ADAMTS2: variants seen among roughly 807,000 people sequenced by gnomAD.
The protein encoded by ADAMTS2 is A disintegrin and metalloproteinase with thrombospondin motifs 2.
ADAMTS2 carries 50 observed loss-of-function variants against 123.0 expected under a neutral mutation model. That is an observed-to-expected ratio of 0.41 (90% CI 0.32 to 0.51). ADAMTS2 has a LOEUF of 0.51. ADAMTS2 is among the 20% of genes least tolerant of loss of function. ADAMTS2 has a pLI of 0.35. For synonymous variants in ADAMTS2, 678 were observed against 695.4 expected (o/e 0.98, Z 0.39); for missense variants, 1,494 against 1,705.2 (o/e 0.88, Z 2.18).
At chr5:179,114,894 C>T (rs562957610) in intron 21 of ADAMTS2, among the ~76,000 whole-genome samples, 140 of 152,294 alleles carry the variant, frequency 9.2e-4, no homozygotes, top group African/African-American at 3.0e-3. Context: ...ATGCCCCGGA[C>T]GATCTTTTAA....
chr5:179,161,615 A>G (rs1044300111), intron 5 of ADAMTS2, among the ~76,000 whole-genome samples: 1 of 152,212 alleles, frequency 6.6e-6, no homozygotes, highest in Non-Finnish European at 1.5e-5. Flanking sequence ...TTAGTGCCCT[A>G]TAGTGCCGGA....
rs778653536 is a variant in ADAMTS2 at position 179,225,521 on chromosome 5, G to A, written c.689-17806C>T. On this transcript the variant is annotated intron_variant, in intron 3 of 21. Transcript: ENST00000251582. This position sits in a 1 kb window ranked among gnomAD's most constrained non-coding sequence, Gnocchi z 4.5. ...CCCCATCCTGTGCCTATAAAAACCC[G>A]AGACCCTAACAGGCAGACACAGGCG... Among the ~76,000 whole-genome samples, 11 of 152,092 alleles carry A rather than the reference G, an allele frequency of 7.2e-5. No homozygotes were observed. Among genetic ancestry groups the A allele is most frequent in the Non-Finnish European group, 1.0e-4 (7 of 68,024 alleles).
chr5:179,118,374 T>A lies in ADAMTS2; in HGVS notation c.3178+3287A>T, dbSNP rs1241002281. ...GATGCCTCTCCGCCAAGATGAACAC[T>A]GTGGTTTTACAATATTTGGTCTTCG... On this transcript the variant is annotated intron_variant, in intron 21 of 21. Coordinates refer to ENST00000251582, the MANE Select transcript of ADAMTS2 (RefSeq NM_014244.5). This position sits in a 1 kb window ranked among gnomAD's most constrained non-coding sequence, Gnocchi z 4.5. Among the ~76,000 whole-genome samples the A allele has an allele frequency of 6.6e-6, 1 of 152,028 alleles. No individual in the cohort carries two copies. Among genetic ancestry groups the A allele is most frequent in the Admixed American group, 6.6e-5 (1 of 15,252 alleles).
At position 179,345,247 on chromosome 5, in the gene ADAMTS2, G is replaced by A; in HGVS notation, c.82C>T (p.Leu28=). 1 of 1,148,404 alleles carries A rather than the reference G, an allele frequency of 8.7e-7. No homozygotes were observed. Among genetic ancestry groups the A allele is most frequent in the Non-Finnish European group, 1.1e-6 (1 of 940,780 alleles). 71.1% of individuals were successfully genotyped at this position (1,148,404 alleles called of 1,614,324 possible). The part of the protein sequence containing the change: ...LLLLLLPPPL[L]PPPPPPANAR... ...TTCGCGGGCGGCGGCGGCGGCGGCA[G>A]GAGCGGCGGCGGCAGCAGCAGCAGC... Residue 28 remains leucine, a synonymous_variant, in exon 1 of 22, where the codon CTG becomes TTG. Coordinates refer to ENST00000251582, the MANE Select transcript of ADAMTS2 (RefSeq NM_014244.5). The surrounding 1 kb of genome is among the most constrained non-coding windows in gnomAD (Gnocchi z 7.5).
chr5:179,230,654 C>T lies in ADAMTS2; in HGVS notation c.689-22939G>A, dbSNP rs113863256. 4.8e-3 allele frequency among the ~76,000 whole-genome samples: 730 copies of T among 152,328 alleles called. 6 individuals carry two copies. Among genetic ancestry groups the T allele is most frequent in the African/African-American group, 0.017 (686 of 41,574 alleles). ...GTCTATACAGACTTCCTCCATTTCA[C>T]GCATGTACCTAAAACATACCACCAT... On this transcript the variant is annotated intron_variant, in intron 3 of 21. Transcript: ENST00000251582.
At chr5:179,251,504 G>A (rs1248703060) in intron 3 of ADAMTS2, among the ~76,000 whole-genome samples, 1 of 152,088 alleles carries the variant, frequency 6.6e-6, no homozygotes, top group Non-Finnish European at 1.5e-5. Context: ...ACAGAGACAG[G>A]TCCCTGCTAA....
intron 2 of ADAMTS2, among the ~76,000 whole-genome samples, chr5:179,274,597 G>C (rs935676163): frequency 6.6e-5 from 10 of 152,228 alleles, no homozygotes. Flanking sequence ...GTTGTGGGGG[G>C]GCACGGTGGC....
At position 179,189,489 on chromosome 5, in the gene ADAMTS2, A is replaced by G. The variant is rs1384947176; in HGVS notation, c.892-8334T>C. 4.5e-5 allele frequency among the ~76,000 whole-genome samples: 6 copies of G among 134,538 alleles called. No individual in the cohort carries two copies. The highest frequency in any genetic ancestry group is 1.7e-4 in the African/African-American group (6 of 35,488). The allele number at this position is 134,538 out of a possible 152,430, so 88.3% of individuals were successfully genotyped here. Reference sequence around the variant, plus strand: ...CAGCCTCCCGAGTAGCTGGGGCTACAGGCGCCCGCCAGTGCGCCTGGTTTT... The same window carrying G: ...CAGCCTCCCGAGTAGCTGGGGCTACGGGCGCCCGCCAGTGCGCCTGGTTTT... On this transcript the variant is annotated intron_variant, in intron 4 of 21. Coordinates refer to ENST00000251582, the MANE Select transcript of ADAMTS2 (RefSeq NM_014244.5). This position sits in a 1 kb window ranked among gnomAD's most constrained non-coding sequence, Gnocchi z 4.2.
Position 179,272,974 on chromosome 5 carries a change from G to T in ADAMTS2, c.625C>A (p.His209Asn). 6.2e-7 allele frequency: 1 copy of T among 1,612,870 alleles called. No individual in the cohort carries two copies. ...GTGGGTGGCCGGCGATACACCACAT[G>T]CACACGGCCTTGCTCAGCCTCCTGC... ...AAQEAEQGRV[H>N]VVYRRPPTSP... Residue 209 changes from histidine to asparagine, a missense_variant, in exon 3 of 22, where the codon CAT becomes AAT. His to Asn is a moderately conservative substitution (Grantham distance 68). This residue lies in a region of ADAMTS2 where 184 missense variants were observed against 152.1 expected (regional missense o/e 1.21). Transcript: ENST00000251582. This position sits in a 1 kb window ranked among gnomAD's most constrained non-coding sequence, Gnocchi z 5.8.
At chr5:179,333,596 GTT>G (rs1219136980) in intron 2 of ADAMTS2, among the ~76,000 whole-genome samples, 29 of 105,960 alleles carry the variant, frequency 2.7e-4, no homozygotes, top group South Asian at 1.1e-3. Context: ...GTTTTTTTCT[GTT>G]TTTTTTTTTT....
chr5:179,127,453 T>C (rs994358045), intron 17 of ADAMTS2, among the ~76,000 whole-genome samples: 1 of 152,042 alleles, frequency 6.6e-6, no homozygotes, highest in Non-Finnish European at 1.5e-5. Context: ...GATCAGCGCT[T>C]CCTGTCTGCC....
chr5:179,123,273 T>G (rs1250949726), intron 19 of ADAMTS2, among the ~76,000 whole-genome samples: 13 of 152,116 alleles, frequency 8.5e-5, no homozygotes, highest in Admixed American at 8.5e-4. Context: ...ACCAGGGAGG[T>G]GCCAGAAGGA....
intron 2 of ADAMTS2, among the ~76,000 whole-genome samples, chr5:179,336,405 C>T (rs1757614305): frequency 6.6e-6 from 1 of 152,208 alleles, no homozygotes. Context: ...CGAAGCCAAC[C>T]GAACTCAGTT....
At position 179,345,230 on chromosome 5, in the gene ADAMTS2, C is replaced by A. The variant is rs1010032577; in HGVS notation, c.99G>T (p.Pro33=). The change falls in exon 1 of 22, where the codon CCG becomes CCT. Residue 33 remains proline, a synonymous_variant. Coordinates refer to ENST00000251582, the MANE Select transcript of ADAMTS2 (RefSeq NM_014244.5). This position sits in a 1 kb window ranked among gnomAD's most constrained non-coding sequence, Gnocchi z 7.5. ...LPPPLLPPPP[P]PANARLAAAA... is the part of the protein sequence containing the mutation. ...CGGCGGCGAGCCTGGCGTTCGCGGG[C>A]GGCGGCGGCGGCGGCAGGAGCGGCG... 5.6e-6 allele frequency: 6 copies of A among 1,079,926 alleles called. No individual in the cohort carries two copies. The African/African-American group carries it at 8.6e-5, about 15-fold the overall frequency. The allele number at this position is 1,079,926 out of a possible 1,614,324, so 66.9% of individuals were successfully genotyped here. A position where few individuals can be genotyped will look rare whatever the true frequency, so the allele number is the denominator to read the frequency against.
In ADAMTS2 at chr5:179,133,006, G is replaced by T. The variant is rs115812058; in HGVS notation, c.2086-106C>A. On this transcript the variant is annotated intron_variant, in intron 13 of 21. Transcript: ENST00000251582. ...ACACCTGGCCTCAAGCGATCCTCCT[G>T]CCTTGGCCTCCCAAAGCATTGGGAT... is the stretch of plus-strand genomic sequence containing the variant. 7.3e-4 allele frequency: 1,064 copies of T among 1,463,060 alleles called. 6 individuals carry two copies. The African/African-American group carries it at 0.013, about 17-fold the overall frequency. The allele number at this position is 1,463,060 out of a possible 1,614,324, so 90.6% of individuals were successfully genotyped here.
At position 179,203,542 on chromosome 5, in the gene ADAMTS2, A is replaced by G. The variant is rs1764612817; in HGVS notation, c.891+3971T>C. Among the ~76,000 whole-genome samples the G allele has an allele frequency of 4.6e-5, 7 of 152,336 alleles. No individual in the cohort carries two copies. The South Asian group carries it at 1.4e-3, about 32-fold the overall frequency. On this transcript the variant is annotated intron_variant, in intron 4 of 21. Coordinates refer to ENST00000251582, the MANE Select transcript of ADAMTS2 (RefSeq NM_014244.5). ...TGGGGTTGTGGTTCGAGGCCCCCAT[A>G]GCACCCAAGTTCAGAGACAGGGCAC... is the stretch of plus-strand genomic sequence containing the variant.
chr5:179,335,984 G>T (rs1757602188), intron 2 of ADAMTS2, among the ~76,000 whole-genome samples: 1 of 152,226 alleles, frequency 6.6e-6, no homozygotes, highest in Admixed American at 6.5e-5. Context: ...AAGATGACAG[G>T]CTTTAACACT....
intron 2 of ADAMTS2, among the ~76,000 whole-genome samples, chr5:179,289,485 G>A (rs773472582): frequency 4.6e-5 from 7 of 152,180 alleles, no homozygotes; most frequent in Non-Finnish European, 1.0e-4. Context: ...CGGCAGGTAC[G>A]ACTTATCCGT....
chr5:179,195,926 T>G (rs552905241), intron 4 of ADAMTS2, among the ~76,000 whole-genome samples: 7 of 152,324 alleles, frequency 4.6e-5, no homozygotes, highest in Admixed American at 6.5e-5. Context: ...AGAGATGTTC[T>G]TCTCTTTCCC....
Sources: allele counts gnomAD v4.1 joint callset (sites outside exome capture counted in the v4.1 genomes callset), GRCh38; gene constraint gnomAD v4.1.1; regional missense constraint gnomAD v4.1.1; non-coding constraint Gnocchi (gnomAD v3.1); transcripts MANE v1.5; gene names NCBI Gene and HGNC (gene_info 2026-07-23, HGNC 2026-07-21).